Variants in CACNA1H observed in about 807,000 individuals in gnomAD.
CACNA1H encodes the protein voltage-dependent T-type calcium channel subunit alpha-1H.
CACNA1H carries 149 observed loss-of-function variants against 192.5 expected under a neutral mutation model. The observed-to-expected ratio is 0.77, with a 90% CI of 0.68 to 0.89. CACNA1H has a LOEUF of 0.89. Ranked by LOEUF, CACNA1H falls within the 40% of genes least tolerant of loss-of-function variation. The probability of loss-of-function intolerance (pLI) is 0.00; values close to 1 mark genes in which losing one functional copy is unlikely to be tolerated. For synonymous variants in CACNA1H, 2,202 were observed against 1,475.2 expected, an observed-to-expected ratio of 1.49 and a Z score of -11.29; for missense variants, 4,257 against 3,423.5, an observed-to-expected ratio of 1.24 and a Z score of -6.08.
rs371350160 is a variant in CACNA1H at position 1,220,955 on chromosome 16, C to G, written c.7023C>G (p.Ala2341=). 3 of 1,605,072 alleles carry G rather than the reference C, an allele frequency of 1.9e-6. No individual in the cohort carries two copies. The highest frequency in any genetic ancestry group is 1.3e-5 in the African/African-American group (1 of 74,428). The stretch of plus-strand genomic sequence containing the variant: ...TGGAGAAACCAGGGTCCCCCTCAGC[C>G]ACCCCTGCCCCAGGGGGTGGTGCAG... ...CPLEKPGSPS[A]TPAPGGGADD... is the part of the protein sequence containing the mutation. Residue 2341 remains alanine (A), a synonymous_variant, in exon 35 of 35, where the codon GCC becomes GCG. Transcript: ENST00000348261.
At chr16:1,177,014 A>T (rs1217642342) in intron 2 of CACNA1H, among the ~76,000 whole-genome samples, 1 of 151,032 alleles carries the variant, frequency 6.6e-6, no homozygotes. Flanking sequence ...GGGCAGCCTC[A>T]CTCCCTCCCC....
intron 9 of CACNA1H, among the ~76,000 whole-genome samples, chr16:1,203,735 C>T (rs1463738883): frequency 2.6e-5 from 4 of 152,216 alleles, no homozygotes; most frequent in South Asian, 4.1e-4. Context: ...TGCGGTCTCT[C>T]TGTCTTCACA....
At chr16:1,205,357 G>C in intron 11 of CACNA1H, 92 bp downstream of exon 11, 3 of 1,328,622 alleles carry the variant, frequency 2.3e-6, no homozygotes, top group South Asian at 2.7e-5. Context: ...CAGAGCACAG[G>C]AGGAAGTACG....
intron 1 of CACNA1H, 84 bp downstream of exon 1, chr16:1,153,554 G>A (rs908472792): frequency 4.3e-4 from 146 of 336,592 alleles, no homozygotes; most frequent in African/African-American, 2.5e-3. Context: ...TGGGGGTGGG[G>A]CCGCTGGAGG....
intron 22 of CACNA1H, 30 bp downstream of exon 22, chr16:1,211,324 G>GC: frequency 6.2e-7 from 1 of 1,612,156 alleles, no homozygotes; most frequent in Non-Finnish European, 8.5e-7. Flanking sequence ...CCGGGGGTCT[G>GC]CCCCGTCGCA....
At chr16:1,184,275 G>A (rs1012114373) in intron 2 of CACNA1H, among the ~76,000 whole-genome samples, 1 of 152,274 alleles carries the variant, frequency 6.6e-6, no homozygotes, top group Non-Finnish European at 1.5e-5. Flanking sequence ...CAAGCACTGA[G>A]TCCTTGAAAG....
chr16:1,167,364 G>A lies in CACNA1H; in HGVS notation c.299+13328G>A, dbSNP rs59384500. Among the ~76,000 whole-genome samples the A allele has an allele frequency of 0.094, 14,291 of 152,102 alleles. 1,159 individuals are homozygous for A. Among genetic ancestry groups the A allele is most frequent in the South Asian group, 0.26 (1,237 of 4,814 alleles). ...ATCGGCGCGGAGCGGGCGGGGTGGCGCCCGGGCCGCGGGTGGGAGAATCTG... is the reference window on the plus strand; with the variant it reads ...ATCGGCGCGGAGCGGGCGGGGTGGCACCCGGGCCGCGGGTGGGAGAATCTG... On this transcript the variant is annotated intron_variant, in intron 2 of 34. Transcript: ENST00000348261. The surrounding 1 kb of genome is among the most constrained non-coding windows in gnomAD (Gnocchi z 4.2).
chr16:1,169,410 G>A (rs1964135121), intron 2 of CACNA1H, among the ~76,000 whole-genome samples: 1 of 152,302 alleles, frequency 6.6e-6, no homozygotes, highest in South Asian at 2.1e-4. Flanking sequence ...GTTGGGCCCC[G>A]AGAGGGTGGC....
intron 2 of CACNA1H, among the ~76,000 whole-genome samples, chr16:1,178,790 A>G (rs1245873401): frequency 7.2e-5 from 11 of 152,214 alleles, no homozygotes; most frequent in Admixed American, 7.2e-4. Flanking sequence ...TCCAAGCTCC[A>G]GAAGTCGGGG....
rs1375622822 is a variant in CACNA1H at position 1,201,789 on chromosome 16, C to T, written c.1339C>T (p.Leu447=). The T allele has an allele frequency of 5.1e-5, 81 of 1,598,744 alleles. No individual in the cohort carries two copies. Among genetic ancestry groups the T allele is most frequent in the Non-Finnish European group, 6.7e-5 (79 of 1,173,840 alleles). Residue 447 remains leucine, a synonymous_variant, in exon 9 of 35, where the codon CTG becomes TTG. Coordinates refer to ENST00000348261, the MANE Select transcript of CACNA1H (RefSeq NM_021098.3). ...ACGCCACCTGTCCAACGACAGCACG[C>T]TGGCCAGCTTCTCCGAGCCTGGCAG... The part of the protein sequence containing the change: ...RARHLSNDST[L]ASFSEPGSCY...
In CACNA1H at chr16:1,195,532, G is replaced by A; in HGVS notation, c.512G>A (p.Trp171Ter). Residue 171 changes from tryptophan to a stop codon, truncating the protein, a stop_gained, in exon 4 of 35, where the codon TGG (tryptophan) becomes TAG (stop). Coordinates refer to ENST00000348261, the MANE Select transcript of CACNA1H (RefSeq NM_021098.3). LOFTEE classifies it high-confidence loss of function. Reference sequence around the variant, plus strand: ...CAGAAGTGTTACCTGGGTGACACGTGGAACAGGCTGGATTTCTTCATCGTC... The same window carrying A: ...CAGAAGTGTTACCTGGGTGACACGTAGAACAGGCTGGATTTCTTCATCGTC... ...FGQKCYLGDT[W>*]NRLDFFIVVA... The A allele has an allele frequency of 6.2e-7, 1 of 1,605,660 alleles. No homozygotes were observed. Among genetic ancestry groups the A allele is most frequent in the Non-Finnish European group, 8.5e-7 (1 of 1,176,494 alleles).
At chr16:1,207,452 C>T (rs1444540663) in intron 14 of CACNA1H, 22 bp downstream of exon 14, 1 of 1,609,514 alleles carries the variant, frequency 6.2e-7, no homozygotes, top group South Asian at 1.1e-5. Context: ...GGGAGAGGGG[C>T]TGCCAGGAGG....
intron 2 of CACNA1H, among the ~76,000 whole-genome samples, chr16:1,184,514 T>C (rs534372018): frequency 1.3e-5 from 2 of 152,234 alleles, no homozygotes; most frequent in Non-Finnish European, 2.9e-5. Context: ...CCTCATCCTC[T>C]GTGAGCCTGG....
chr16:1,178,301 C>T (rs1008177694), intron 2 of CACNA1H, among the ~76,000 whole-genome samples: 1 of 147,416 alleles, frequency 6.8e-6, no homozygotes, highest in African/African-American at 2.5e-5. Context: ...TGGACCCTCC[C>T]CCACGGCCTC....
chr16:1,171,232 G>A (rs1251306874), intron 2 of CACNA1H, among the ~76,000 whole-genome samples: 2 of 152,100 alleles, frequency 1.3e-5, no homozygotes, highest in African/African-American at 2.4e-5. Context: ...TCACCTCCTC[G>A]TGGGGAGGTC....
intron 12 of CACNA1H, 190 bp from the exon 13 acceptor site, chr16:1,206,811 G>C (rs1257347232): frequency 3.4e-6 from 2 of 587,944 alleles, no homozygotes; most frequent in Admixed American, 2.9e-5. Context: ...ACACTACTGA[G>C]TTGTAGGGCA....
intron 16 of CACNA1H, 77 bp downstream of exon 16, chr16:1,208,298 G>A (rs1189214154): frequency 9.9e-6 from 10 of 1,005,150 alleles, no homozygotes; most frequent in Non-Finnish European, 1.5e-5. Flanking sequence ...CTTCCCTGAA[G>A]ATGAGTGAGG....
At chr16:1,184,837 G>C (rs957987550) in intron 2 of CACNA1H, among the ~76,000 whole-genome samples, 1 of 152,258 alleles carries the variant, frequency 6.6e-6, no homozygotes, top group Non-Finnish European at 1.5e-5. Flanking sequence ...TAAAGGCAAA[G>C]CTGGGAACGC....
intron 2 of CACNA1H, among the ~76,000 whole-genome samples, chr16:1,194,767 G>A (rs58393831): frequency 4.7e-4 from 71 of 152,308 alleles, no homozygotes; most frequent in African/African-American, 1.7e-3. Context: ...ACGGAGCAGA[G>A]CCCGGCCAGG....
Sources: allele counts gnomAD v4.1 joint callset (sites outside exome capture counted in the v4.1 genomes callset), GRCh38; gene constraint gnomAD v4.1.1; non-coding constraint Gnocchi (gnomAD v3.1); transcripts MANE v1.5; gene names NCBI Gene and HGNC (gene_info 2026-07-23, HGNC 2026-07-21).